Variants in ADORA2B observed in about 807,000 individuals in gnomAD.
ADORA2B encodes the protein adenosine A2b receptor, also known as adenosine receptor A2b.
In ADORA2B, 18 loss-of-function variants were observed where a neutral mutation model predicts 20.8. That is an observed-to-expected ratio of 0.87 (90% CI 0.60 to 1.29). The LOEUF is 1.29. ADORA2B is among the 50% of genes most tolerant of loss of function. ADORA2B has a pLI of 0.00. For missense variants in ADORA2B, 441 were observed against 422.7 expected (o/e 1.04, Z -0.38); for synonymous variants, 179 against 178.3 (o/e 1.00, Z -0.03).
At chr17:15,895,532 G>A in the ADORA2B span, among the ~76,000 whole-genome samples, 5 of 152,110 alleles carry the variant, frequency 3.3e-5, no homozygotes, top group South Asian at 2.1e-4. Flanking sequence ...TCTGGGGGTC[G>A]TCCATGATCC....
chr17:15,861,349 T>C, the ADORA2B span, among the ~76,000 whole-genome samples: 1 of 152,182 alleles, frequency 6.6e-6, no homozygotes, highest in Non-Finnish European at 1.5e-5. Flanking sequence ...GACTCTGCCA[T>C]ATATATGCAT....
the ADORA2B span, among the ~76,000 whole-genome samples, chr17:15,877,795 C>T: frequency 2.0e-5 from 3 of 152,026 alleles, no homozygotes; most frequent in African/African-American, 4.8e-5. Context: ...CTTCATCCCC[C>T]GACCTGAAGC....
the ADORA2B span, among the ~76,000 whole-genome samples, chr17:15,936,772 A>G: frequency 8.5e-5 from 13 of 152,338 alleles, no homozygotes; most frequent in Admixed American, 8.5e-4. Flanking sequence ...GCCGGAAAAC[A>G]AAATGAGACC....
upstream of ADORA2B, among the ~76,000 whole-genome samples, chr17:15,940,717 C>T (rs1024348573): frequency 2.6e-5 from 4 of 152,254 alleles, no homozygotes; most frequent in Non-Finnish European, 5.9e-5. Context: ...GCCCCTTCCT[C>T]TTCCCCATGG....
chr17:15,963,134 G>T (rs1341160727), intron 1 of ADORA2B, among the ~76,000 whole-genome samples: 1 of 152,050 alleles, frequency 6.6e-6, no homozygotes, highest in Non-Finnish European at 1.5e-5. Flanking sequence ...TGAATTACAA[G>T]AACTCTTGCT....
chr17:15,874,725 A>G, the ADORA2B span, among the ~76,000 whole-genome samples: 1 of 152,054 alleles, frequency 6.6e-6, no homozygotes, highest in Admixed American at 6.6e-5. Flanking sequence ...GATGAATATC[A>G]CTTATCGTGC....
At chr17:15,917,145 C>CA in the ADORA2B span, among the ~76,000 whole-genome samples, 1 of 152,206 alleles carries the variant, frequency 6.6e-6, no homozygotes, top group Non-Finnish European at 1.5e-5. Context: ...TGCATCTCCA[C>CA]AAAAAACTAA....
intron 1 of ADORA2B, among the ~76,000 whole-genome samples, chr17:15,961,459 T>C (rs1970042016): frequency 1.3e-5 from 2 of 152,142 alleles, no homozygotes; most frequent in Admixed American, 6.5e-5. Context: ...CAATGTCTGT[T>C]TCTCCCATTG....
At chr17:15,919,729 G>A in the ADORA2B span, among the ~76,000 whole-genome samples, 7 of 152,296 alleles carry the variant, frequency 4.6e-5, no homozygotes, top group African/African-American at 1.7e-4. Context: ...TGCCCAGTGG[G>A]TGGGAAGGGA....
intron 1 of ADORA2B, among the ~76,000 whole-genome samples, chr17:15,962,672 C>T (rs181915953): frequency 6.6e-6 from 1 of 152,306 alleles, no homozygotes; most frequent in East Asian, 1.9e-4. Flanking sequence ...GCTGGGATTA[C>T]AGGCGCCTTG....
chr17:15,939,337 G>A, the ADORA2B span, among the ~76,000 whole-genome samples: 4 of 152,014 alleles, frequency 2.6e-5, no homozygotes, highest in African/African-American at 7.2e-5. Context: ...CACAGCGCCC[G>A]GCTGCTTCTT....
At chr17:15,851,671 A>C in the ADORA2B span, among the ~76,000 whole-genome samples, 4 of 152,364 alleles carry the variant, frequency 2.6e-5, no homozygotes, top group South Asian at 6.2e-4. Flanking sequence ...CCAAGCTTTA[A>C]GGACTTTGGC....
the ADORA2B span, among the ~76,000 whole-genome samples, chr17:15,912,548 C>G: frequency 6.6e-6 from 1 of 152,200 alleles, no homozygotes; most frequent in South Asian, 2.1e-4. Flanking sequence ...CACTTATCAC[C>G]TAGCCAGGAT....
At chr17:15,942,078 G>A (rs1025098341), upstream of ADORA2B, among the ~76,000 whole-genome samples, 2 of 152,144 alleles carry the variant, frequency 1.3e-5, no homozygotes, top group Admixed American at 6.5e-5. Context: ...CAACACAGAC[G>A]GGAACAGGGC....
At chr17:15,902,056 A>ATTGC in the ADORA2B span, among the ~76,000 whole-genome samples, 3 of 152,094 alleles carry the variant, frequency 2.0e-5, no homozygotes, top group African/African-American at 7.2e-5. Context: ...GCCCCTGGCA[A>ATTGC]CCACCATTCC....
chr17:15,879,600 C>T, the ADORA2B span, among the ~76,000 whole-genome samples: 1 of 148,678 alleles, frequency 6.7e-6, no homozygotes, highest in East Asian at 2.0e-4. Context: ...CGCAGTGGCA[C>T]GATCTCCCCT....
In ADORA2B at chr17:15,945,258, G is replaced by C; in HGVS notation, c.10G>C (p.Glu4Gln). MLL[E>Q]TQDALYVALE... ...CCCAGCTGGCCCGGCCATGCTGCTG[G>C]AGACACAGGACGCGCTGTACGTGGC... Residue 4 changes from glutamate to glutamine, a missense_variant, in exon 1 of 2, where the codon GAG becomes CAG. Glu to Gln is a conservative substitution (Grantham distance 29). Coordinates refer to ENST00000304222, the MANE Select transcript of ADORA2B (RefSeq NM_000676.4). 1.3e-6 allele frequency: 2 copies of C among 1,481,994 alleles called. No homozygotes were observed. The highest frequency in any genetic ancestry group is 2.0e-4 in the Middle Eastern group (1 of 5,056). 91.8% of individuals were successfully genotyped at this position (1,481,994 alleles called of 1,614,324 possible).
chr17:15,945,386 G>C lies in ADORA2B; in HGVS notation c.138G>C (p.Leu46=). The part of the protein sequence containing the change: ...NTLQTPTNYF[L]VSLAAADVAV... ...TGCAGACGCCCACCAACTACTTCCT[G>C]GTGTCCCTGGCTGCGGCCGACGTGG... The change falls in exon 1 of 2, where the codon CTG becomes CTC. Residue 46 remains leucine, a synonymous_variant. Transcript: ENST00000304222. 6.2e-7 allele frequency: 1 copy of C among 1,613,090 alleles called. No homozygotes were observed. Among genetic ancestry groups the C allele is most frequent in the South Asian group, 1.1e-5 (1 of 91,042 alleles).
intron 1 of ADORA2B, among the ~76,000 whole-genome samples, chr17:15,966,262 T>C (rs1199286123): frequency 6.6e-6 from 1 of 152,222 alleles, no homozygotes; most frequent in African/African-American, 2.4e-5. Context: ...TACTTAGCAA[T>C]CTGCATTTCT....
Sources: allele counts gnomAD v4.1 joint callset (sites outside exome capture counted in the v4.1 genomes callset), GRCh38; gene constraint gnomAD v4.1.1; transcripts MANE v1.5; gene names NCBI Gene and HGNC (gene_info 2026-07-23, HGNC 2026-07-21).